The following ANK3 variants were observed in gnomAD, a reference collection of about 807,000 sequenced individuals.
The protein encoded by ANK3 is ankyrin 3.
A neutral mutation model predicts 370.9 loss-of-function variants in ANK3; 57 were observed. The observed-to-expected ratio is 0.15, with a 90% CI of 0.12 to 0.19. ANK3 has a LOEUF of 0.19. Ranked by LOEUF, ANK3 falls within the 10% of genes least tolerant of loss-of-function variation. The pLI is 1.00. For synonymous variants in ANK3, 1,929 were observed against 1,946.3 expected (o/e 0.99, Z 0.23); for missense variants, 4,439 against 5,302.1 (o/e 0.84, Z 5.06).
At chr10:60,353,153 G>GTTTTTTTTTTT (rs1481181095) in intron 1 of ANK3, among the ~76,000 whole-genome samples, 2 of 135,844 alleles carry the variant, frequency 1.5e-5, no homozygotes, top group African/African-American at 2.7e-5. Flanking sequence ...GCTAATTTTT[G>GTTTTTTTTTTT]TTTTGTTTTT....
chr10:60,731,418 T>C (rs1049646112), intron 1 of ANK3, among the ~76,000 whole-genome samples: 5 of 152,136 alleles, frequency 3.3e-5, no homozygotes, highest in African/African-American at 1.2e-4. Context: ...CACATCACTG[T>C]GAGATTATGA....
intron 1 of ANK3, among the ~76,000 whole-genome samples, chr10:60,366,421 G>T (rs549527569): frequency 6.6e-6 from 1 of 152,118 alleles, no homozygotes; most frequent in African/African-American, 2.4e-5. Flanking sequence ...TAGTGATAAT[G>T]ACCCTGCCAG....
chr10:60,318,048 T>C (rs1409005915), intron 1 of ANK3, among the ~76,000 whole-genome samples: 1 of 152,192 alleles, frequency 6.6e-6, no homozygotes, highest in African/African-American at 2.4e-5. Context: ...CCATTTACTA[T>C]GCACAATTTA....
At chr10:60,405,996 TTGTAACAC>T (rs2063448476) in intron 2 of ANK3, among the ~76,000 whole-genome samples, 1 of 152,328 alleles carries the variant, frequency 6.6e-6, no homozygotes, top group African/African-American at 2.4e-5. Flanking sequence ...GGTTACATTT[TTGTAACAC>T]TGTACATTAG....
intron 1 of ANK3, among the ~76,000 whole-genome samples, chr10:60,675,556 G>C (rs562342624): frequency 6.6e-6 from 1 of 152,354 alleles, no homozygotes; most frequent in African/African-American, 2.4e-5. Context: ...GCACAAAACT[G>C]ATGATTCATA....
intron 1 of ANK3, among the ~76,000 whole-genome samples, chr10:60,722,775 G>A (rs2132026615): frequency 6.6e-6 from 1 of 152,200 alleles, no homozygotes. Context: ...TGGGAGATCT[G>A]GTTGTTTAAA....
intron 1 of ANK3, among the ~76,000 whole-genome samples, chr10:60,684,301 G>A (rs1377981294): frequency 3.9e-5 from 6 of 152,158 alleles, no homozygotes; most frequent in Non-Finnish European, 7.3e-5. Flanking sequence ...GCGCCCACCT[G>A]GCGCTCAGGC....
At chr10:60,138,370 G>A in intron 24 of ANK3, 1 of 263,152 alleles carries the variant, frequency 3.8e-6, no homozygotes, top group Non-Finnish European at 7.1e-6. Flanking sequence ...CACTTCAGTT[G>A]TAAGAACTGA....
In ANK3 at chr10:60,114,225, C is replaced by T; in HGVS notation, c.2948G>A (p.Gly983Glu). ...VNLVSSPIHS[G>E]FLVSFMVDAR... ...GAAAAGTGACATTTAGGTTACTTAC[C>T]CAGAATGAATGGGGCTTGAAACAAG... The change falls in exon 26 of 44, where the codon GGG becomes GAG. Residue 983 changes from glycine to glutamate, a missense_variant and splice_region_variant. Physicochemically the swap from Gly to Glu is moderately conservative, Grantham distance 98. Transcript: ENST00000280772. 3 of 1,582,590 alleles carry T rather than the reference C, an allele frequency of 1.9e-6. No homozygotes were observed. Among genetic ancestry groups the T allele is most frequent in the East Asian group, 2.3e-5 (1 of 43,678 alleles).
chr10:60,153,142 G>T (rs1459386883), intron 23 of ANK3, among the ~76,000 whole-genome samples: 5 of 152,218 alleles, frequency 3.3e-5, no homozygotes, highest in Non-Finnish European at 5.9e-5. Flanking sequence ...AAATGAAAAT[G>T]AATGAAGTTC....
chr10:60,094,328 C>T (rs1238229461), intron 28 of ANK3, among the ~76,000 whole-genome samples: 1 of 151,926 alleles, frequency 6.6e-6, no homozygotes, highest in East Asian at 1.9e-4. Flanking sequence ...GCTGGGATTA[C>T]AGCCATGCGC....
intron 2 of ANK3, among the ~76,000 whole-genome samples, chr10:60,596,694 T>C (rs1192341105): frequency 6.6e-6 from 1 of 152,136 alleles, no homozygotes; most frequent in Non-Finnish European, 1.5e-5. Flanking sequence ...ACAAGTAAAT[T>C]ACAAGAAGAC....
chr10:60,689,734 G>A lies in ANK3; in HGVS notation c.57+43529C>T, dbSNP rs1472157187. On this transcript the variant is annotated intron_variant, in intron 1 of 43. Transcript: ENST00000373827. The stretch of plus-strand genomic sequence containing the variant: ...GCCACCATTGCACTCAAGCCTGGGT[G>A]ATGGAGCAAGACTTCATCTCAAAAA... 2.1e-5 allele frequency among the ~76,000 whole-genome samples: 3 copies of A among 142,610 alleles called. No homozygotes were observed. In the Admixed American group the frequency reaches 2.3e-4, roughly 11 times the overall value. The allele number at this position is 142,610 out of a possible 152,430, so 93.6% of individuals were successfully genotyped here.
chr10:60,318,006 T>TA lies in ANK3; in HGVS notation c.115-38368dup, dbSNP rs11348855. Among the ~76,000 whole-genome samples the TA allele has an allele frequency of 3.3e-5, 5 of 151,914 alleles. No homozygotes were observed. In the South Asian group the frequency reaches 1.0e-3, roughly 32 times the overall value. On this transcript the variant is annotated intron_variant, in intron 1 of 43. Transcript: ENST00000280772. ...GAATTTTGACATATTCATAAGATTA[T>TA]AAAAAAAATACACAAATGCTCCAAA...
chr10:60,114,325 T>G lies in ANK3; in HGVS notation c.2848A>C (p.Thr950Pro), dbSNP rs1292332528. The G allele has an allele frequency of 1.5e-5, 24 of 1,587,124 alleles. No homozygotes were observed. The highest frequency in any genetic ancestry group is 2.1e-5 in the Non-Finnish European group (24 of 1,161,374). Residue 950 changes from threonine to proline, a missense_variant, in exon 26 of 44, where the codon ACA becomes CCA. Around this residue, in one of 13 missense-constraint regions of ANK3, gnomAD observed 702 missense variants for 941.5 expected, o/e 0.75. Transcript: ENST00000280772. ...LLVPSKEQHL[T>P]FTREFDSDSL... is the part of the protein sequence containing the mutation. Reference sequence around the variant, plus strand: ...TCTGAATCAAATTCCCTTGTGAATGTTAGATGCTGAAAAATAAAATGGTAA... The same window carrying G: ...TCTGAATCAAATTCCCTTGTGAATGGTAGATGCTGAAAAATAAAATGGTAA...
chr10:60,484,706 C>G (rs1021754934), intron 2 of ANK3, among the ~76,000 whole-genome samples: 1 of 152,070 alleles, frequency 6.6e-6, no homozygotes, highest in Non-Finnish European at 1.5e-5. Context: ...ATTGCACAGG[C>G]GAAAACAAAG....
chr10:60,412,344 G>A (rs1002467209), intron 2 of ANK3, among the ~76,000 whole-genome samples: 1 of 152,104 alleles, frequency 6.6e-6, no homozygotes. Flanking sequence ...ATCTCTTCCT[G>A]CCTGATTGCC....
intron 1 of ANK3, among the ~76,000 whole-genome samples, chr10:60,340,695 A>T (rs1260375061): frequency 6.6e-6 from 1 of 152,152 alleles, no homozygotes; most frequent in African/African-American, 2.4e-5. Flanking sequence ...TACATGCATG[A>T]GCCACTGTGC....
chr10:60,369,717 AC>A (rs2132777535), intron 1 of ANK3, among the ~76,000 whole-genome samples: 1 of 152,324 alleles, frequency 6.6e-6, no homozygotes, highest in South Asian at 2.1e-4. Context: ...TCATCTTAAA[AC>A]AAAATGAACT....
Sources: allele counts gnomAD v4.1 joint callset (sites outside exome capture counted in the v4.1 genomes callset), GRCh38; gene constraint gnomAD v4.1.1; regional missense constraint gnomAD v4.1.1; transcripts MANE v1.5; gene names NCBI Gene and HGNC (gene_info 2026-07-23, HGNC 2026-07-21).